Variants in SMARCC1 observed in about 807,000 individuals in gnomAD.
SMARCC1 encodes the protein SWI/SNF complex subunit SMARCC1.
A neutral mutation model predicts 147.4 loss-of-function variants in SMARCC1; 43 were observed. That is an observed-to-expected ratio of 0.29 (90% CI 0.23 to 0.38). SMARCC1 has a LOEUF of 0.38. SMARCC1 is among the 10% of genes least tolerant of loss of function. The pLI is 1.00. For missense variants in SMARCC1, 1,119 were observed against 1,381.1 expected (o/e 0.81, Z 3.01); for synonymous variants, 495 against 484.4 (o/e 1.02, Z -0.29).
At chr3:47,750,669 A>C (rs1365900245) in intron 2 of SMARCC1, among the ~76,000 whole-genome samples, 1 of 152,160 alleles carries the variant, frequency 6.6e-6, no homozygotes, top group Non-Finnish European at 1.5e-5. Context: ...GTGCTTATTC[A>C]AATCTATCAC....
intron 26 of SMARCC1, among the ~76,000 whole-genome samples, chr3:47,592,605 G>T (rs2032202463): frequency 6.6e-6 from 1 of 152,124 alleles, no homozygotes; most frequent in African/African-American, 2.4e-5. Flanking sequence ...GGCTTGTTTT[G>T]TTTTGTTGAG....
chr3:47,610,627 CTA>C (rs1403775399), intron 25 of SMARCC1: 4 of 406,416 alleles, frequency 9.8e-6, no homozygotes, highest in African/African-American at 8.1e-5. Context: ...GTAATCCCCT[CTA>C]TGTTTGGCAG....
At chr3:47,714,219 C>T (rs1170513332) in intron 8 of SMARCC1, among the ~76,000 whole-genome samples, 196 bp downstream of exon 8, 2 of 152,158 alleles carry the variant, frequency 1.3e-5, no homozygotes, top group Non-Finnish European at 2.9e-5. Flanking sequence ...CAAAAATTAG[C>T]CTAACGTGGT....
intron 5 of SMARCC1, among the ~76,000 whole-genome samples, chr3:47,733,866 A>G: frequency 6.8e-6 from 1 of 146,372 alleles, no homozygotes; most frequent in African/African-American, 2.5e-5. Context: ...TCTGTCTCAA[A>G]AAAAAAAAAA....
chr3:47,769,056 C>T (rs1317222722), intron 2 of SMARCC1, among the ~76,000 whole-genome samples: 1 of 151,020 alleles, frequency 6.6e-6, no homozygotes, highest in African/African-American at 2.4e-5. Flanking sequence ...ACTAAAAATA[C>T]AAAAATAAGC....
chr3:47,711,839 A>T (rs921864514), intron 8 of SMARCC1, among the ~76,000 whole-genome samples: 7 of 152,218 alleles, frequency 4.6e-5, no homozygotes, highest in African/African-American at 1.2e-4. Context: ...AGCCTGTCCA[A>T]GACAAATAAA....
intron 21 of SMARCC1, among the ~76,000 whole-genome samples, chr3:47,658,026 G>A (rs79482940): frequency 0.012 from 1,747 of 151,822 alleles, 34 homozygotes; most frequent in African/African-American, 0.04. Context: ...AAAAAATGAC[G>A]ATTAGAGTGG....
chr3:47,677,691 T>C (rs114971926), intron 16 of SMARCC1, among the ~76,000 whole-genome samples: 1,562 of 152,082 alleles, frequency 0.01, 23 homozygotes, highest in African/African-American at 0.036. Flanking sequence ...TACAGTCATG[T>C]GCCACCACGC....
intron 11 of SMARCC1, among the ~76,000 whole-genome samples, chr3:47,695,478 C>T (rs1015371202): frequency 2.6e-5 from 4 of 152,086 alleles, no homozygotes; most frequent in African/African-American, 4.8e-5. Context: ...ATAAAAGTTA[C>T]TTTGTCATCC....
At chr3:47,595,846 T>C (rs2032269442) in intron 26 of SMARCC1, among the ~76,000 whole-genome samples, 1 of 151,484 alleles carries the variant, frequency 6.6e-6, no homozygotes, top group Non-Finnish European at 1.5e-5. Context: ...GTGAGTCTCC[T>C]GCCTCAGCCT....
intron 2 of SMARCC1, among the ~76,000 whole-genome samples, chr3:47,766,638 G>A (rs1450099551): frequency 1.3e-5 from 2 of 152,124 alleles, no homozygotes; most frequent in East Asian, 1.9e-4. Context: ...GTATGCACAC[G>A]TACTAAAGCC....
At chr3:47,716,989 A>G (rs2034162880) in intron 7 of SMARCC1, among the ~76,000 whole-genome samples, 1 of 152,196 alleles carries the variant, frequency 6.6e-6, no homozygotes, top group Admixed American at 6.5e-5. Context: ...AAATTTGTCA[A>G]TTATGGTTCA....
At chr3:47,734,819 G>A (rs1319527305) in intron 5 of SMARCC1, among the ~76,000 whole-genome samples, 1 of 152,152 alleles carries the variant, frequency 6.6e-6, no homozygotes, top group Non-Finnish European at 1.5e-5. Flanking sequence ...GCACAGTGGC[G>A]CCATCTCAGC....
intron 24 of SMARCC1, among the ~76,000 whole-genome samples, chr3:47,629,037 C>T (rs905664417): frequency 5.3e-5 from 8 of 152,176 alleles, no homozygotes; most frequent in African/African-American, 1.9e-4. Flanking sequence ...AGGGCCAAGT[C>T]AAACTGTGGA....
chr3:47,598,949 G>A (rs1024911492), intron 26 of SMARCC1, among the ~76,000 whole-genome samples: 1 of 151,758 alleles, frequency 6.6e-6, no homozygotes, highest in Non-Finnish European at 1.5e-5. Flanking sequence ...AGACGTGGCC[G>A]TAAGACAAGG....
chr3:47,702,315 C>CA (rs1428105155), intron 10 of SMARCC1, among the ~76,000 whole-genome samples: 2 of 148,282 alleles, frequency 1.3e-5, no homozygotes, highest in Admixed American at 6.8e-5. Flanking sequence ...CCTCACATAA[C>CA]ATGATTCATA....
intron 21 of SMARCC1, among the ~76,000 whole-genome samples, chr3:47,643,227 A>C (rs2033071885): frequency 6.6e-6 from 1 of 152,228 alleles, no homozygotes; most frequent in Admixed American, 6.5e-5. Context: ...ATAGACAGCA[A>C]GCTCAGTGAT....
At chr3:47,695,232 G>A (rs1395593691) in intron 11 of SMARCC1, among the ~76,000 whole-genome samples, 2 of 152,150 alleles carry the variant, frequency 1.3e-5, no homozygotes, top group African/African-American at 2.4e-5. Context: ...TACCAGGGAT[G>A]CTGAGGCACA....
intron 9 of SMARCC1, among the ~76,000 whole-genome samples, chr3:47,708,828 C>T (rs541762057): frequency 1.7e-4 from 26 of 152,182 alleles, no homozygotes; most frequent in Non-Finnish European, 3.4e-4. Context: ...GTTGAAGAGA[C>T]GAGGTCTTGC....
Sources: allele counts gnomAD v4.1 joint callset (sites outside exome capture counted in the v4.1 genomes callset), GRCh38; gene constraint gnomAD v4.1.1; transcripts MANE v1.5; gene names NCBI Gene and HGNC (gene_info 2026-07-23, HGNC 2026-07-21).